Variants in PTPRS observed in about 807,000 individuals in gnomAD.
The protein encoded by PTPRS is protein tyrosine phosphatase receptor type S.
Under a neutral mutation model 215.3 loss-of-function variants are expected in PTPRS, and 63 were observed. The ratio of observed to expected loss-of-function variants is 0.29; its 90% CI spans 0.24 to 0.36. The LOEUF (loss-of-function observed/expected upper bound fraction) is 0.36. Among genes scored for constraint, PTPRS ranks in the 10% least tolerant of loss-of-function variants. PTPRS has a pLI of 1.00. For synonymous variants in PTPRS, 1,404 were observed against 1,191.4 expected, an observed-to-expected ratio of 1.18 and a Z score of -3.68; for missense variants, 2,258 against 2,825.8, an observed-to-expected ratio of 0.80 and a Z score of 4.56.
At chr19:5,311,870 C>A (rs1016657399) in intron 1 of PTPRS, among the ~76,000 whole-genome samples, 1 of 152,008 alleles carries the variant, frequency 6.6e-6, no homozygotes, top group East Asian at 1.9e-4. Context: ...GAAACCCCGT[C>A]TCTACTAAAA....
At chr19:5,223,683 C>G (rs2042220366) in intron 17 of PTPRS, among the ~76,000 whole-genome samples, 1 of 151,600 alleles carries the variant, frequency 6.6e-6, no homozygotes, top group Admixed American at 6.6e-5. Context: ...CTGCCTCAGC[C>G]TCCCGAGCAG....
At chr19:5,236,815 C>T (rs1966172507) in intron 13 of PTPRS, among the ~76,000 whole-genome samples, 3 of 134,872 alleles carry the variant, frequency 2.2e-5, no homozygotes, top group African/African-American at 8.8e-5. Context: ...CAAAGGTGCC[C>T]GGGGGGTGCG....
In PTPRS at chr19:5,288,010, A is replaced by AAT. The variant is rs2048509257; in HGVS notation, c.-94-1778_-94-1777dup. 3.0e-5 allele frequency among the ~76,000 whole-genome samples: 4 copies of AAT among 133,552 alleles called. 1 individual carries two copies. The highest frequency in any genetic ancestry group is 2.2e-4 in the Admixed American group (3 of 13,344). The allele number at this position is 133,552 out of a possible 152,430, so 87.6% of individuals were successfully genotyped here. A position where few individuals can be genotyped will look rare whatever the true frequency, so the allele number is the denominator to read the frequency against. On this transcript the variant is annotated intron_variant, in intron 1 of 37. Transcript: ENST00000262963. ...CACACACACACACACACACACACAC[A>AAT]ATCAGGCAAATAAAACTTGCACATA...
At chr19:5,314,807 C>G (rs1173211455) in intron 1 of PTPRS, among the ~76,000 whole-genome samples, 1 of 152,180 alleles carries the variant, frequency 6.6e-6, no homozygotes, top group Non-Finnish European at 1.5e-5. Context: ...CAGGTTATCC[C>G]TGCTCAACAG....
intron 1 of PTPRS, among the ~76,000 whole-genome samples, chr19:5,317,812 G>A (rs1337877010): frequency 1.3e-5 from 2 of 152,090 alleles, no homozygotes; most frequent in African/African-American, 4.8e-5. Flanking sequence ...GAGACAGGTG[G>A]ATCACCTGCA....
intron 1 of PTPRS, among the ~76,000 whole-genome samples, chr19:5,320,794 T>C (rs1429090696): frequency 6.6e-6 from 1 of 152,154 alleles, no homozygotes; most frequent in Non-Finnish European, 1.5e-5. Context: ...CTTCACCCTA[T>C]GAACTCACTA....
Position 5,218,614 on chromosome 19 carries a change from T to C in PTPRS, c.3936-82A>G, listed in dbSNP as rs138275235. 87 of 1,537,880 alleles carry C rather than the reference T, an allele frequency of 5.7e-5. No homozygotes were observed. In the African/African-American group the frequency reaches 9.5e-4, roughly 17 times the overall value. On this transcript the variant is annotated intron_variant, in intron 24 of 37. Transcript: ENST00000262963. ...ACACAATTCAGGCCCCAGGAATGCATGGTAAGAAAAGGACCATGGACCCGT... is the reference window on the plus strand; with the variant it reads ...ACACAATTCAGGCCCCAGGAATGCACGGTAAGAAAAGGACCATGGACCCGT...
intron 26 of PTPRS, among the ~76,000 whole-genome samples, 156 bp from the exon 27 acceptor site, chr19:5,215,751 G>T (rs1431739087): frequency 6.6e-6 from 1 of 152,164 alleles, no homozygotes; most frequent in Non-Finnish European, 1.5e-5. Context: ...AAGACTCAGG[G>T]TGGCTCATGA....
chr19:5,238,027 G>C (rs1599600210), intron 13 of PTPRS, among the ~76,000 whole-genome samples: 1 of 152,156 alleles, frequency 6.6e-6, no homozygotes, highest in Non-Finnish European at 1.5e-5. Context: ...GAAAGCCTGG[G>C]GTGGCTACGC....
At chr19:5,262,606 G>T (rs943653810) in intron 6 of PTPRS, among the ~76,000 whole-genome samples, 26 of 152,246 alleles carry the variant, frequency 1.7e-4, no homozygotes, top group Admixed American at 1.4e-3. Context: ...AGAAAAAAGT[G>T]CGGGAGGAAA....
At chr19:5,292,413 G>C (rs1461819177) in intron 1 of PTPRS, among the ~76,000 whole-genome samples, 2 of 152,178 alleles carry the variant, frequency 1.3e-5, no homozygotes. Context: ...GGCCAGCCTG[G>C]GTTCTGCAGG....
chr19:5,214,523 C>T, intron 29 of PTPRS, 38 bp downstream of exon 29: 1 of 1,612,238 alleles, frequency 6.2e-7, no homozygotes, highest in South Asian at 1.1e-5. Flanking sequence ...GACAGGCTGA[C>T]TGGCAGGGGC....
At chr19:5,325,730 C>T (rs2050150959) in intron 1 of PTPRS, among the ~76,000 whole-genome samples, 1 of 152,232 alleles carries the variant, frequency 6.6e-6, no homozygotes, top group African/African-American at 2.4e-5. Flanking sequence ...CCGAGGACAC[C>T]GGCCAATTCA....
At chr19:5,233,564 T>C (rs1411346995) in intron 13 of PTPRS, among the ~76,000 whole-genome samples, 2 of 151,408 alleles carry the variant, frequency 1.3e-5, no homozygotes, top group Non-Finnish European at 1.5e-5. Flanking sequence ...CCACGCATCA[T>C]GCTAAGGGGA....
Position 5,210,314 on chromosome 19 carries a change from C to T in PTPRS, c.5487+155G>A, listed in dbSNP as rs1007616555. 6.6e-5 allele frequency among the ~76,000 whole-genome samples: 10 copies of T among 152,228 alleles called. No homozygotes were observed. Among genetic ancestry groups the T allele is most frequent in the Non-Finnish European group, 1.2e-4 (8 of 68,040 alleles). ...AAGACCCTCTCTTCCACCTATGTGG[C>T]AGTAGAAGCAAGTGGCCAACTGGTC... On this transcript the variant is annotated intron_variant, in intron 35 of 37. Coordinates refer to ENST00000262963, the MANE Select transcript of PTPRS (RefSeq NM_002850.4). This position sits in a 1 kb window ranked among gnomAD's most constrained non-coding sequence, Gnocchi z 4.5.
chr19:5,320,019 G>A (rs1012012700), intron 1 of PTPRS, among the ~76,000 whole-genome samples: 8 of 152,178 alleles, frequency 5.3e-5, no homozygotes, highest in Non-Finnish European at 7.4e-5. Context: ...AGAGCCTGGT[G>A]GACAGGAGGC....
At position 5,222,947 on chromosome 19, in the gene PTPRS, G is replaced by A. The variant is rs781437725; in HGVS notation, c.2845C>T (p.Arg949Cys). 1.7e-4 allele frequency: 261 copies of A among 1,551,318 alleles called. No individual in the cohort carries two copies. Among genetic ancestry groups the A allele is most frequent in the Admixed American group, 2.7e-4 (14 of 52,676 alleles). The change falls in exon 18 of 38, where the codon CGC becomes TGC. Residue 949 changes from arginine to cysteine, a missense_variant. Physicochemically the swap from Arg to Cys is radical, Grantham distance 180 (BLOSUM62 -3). Coordinates refer to ENST00000262963, the MANE Select transcript of PTPRS (RefSeq NM_002850.4). ...GNASAGTVLL[R>C]WLPPVPAERN... is the part of the protein sequence containing the mutation. ...TCGGCGGGCACGGGTGGCAGCCAGC[G>A]GAGAAGGACGGTCCCGGCCGAGGCG... is the stretch of plus-strand genomic sequence containing the variant.
intron 22 of PTPRS, 35 bp downstream of exon 22, chr19:5,219,904 T>C: frequency 6.3e-7 from 1 of 1,597,396 alleles, no homozygotes. Flanking sequence ...TTCAGAGGTG[T>C]GTCTGGATGT....
intron 30 of PTPRS, among the ~76,000 whole-genome samples, chr19:5,212,805 T>A (rs2041035847): frequency 6.6e-6 from 1 of 151,422 alleles, no homozygotes; most frequent in Non-Finnish European, 1.5e-5. Context: ...ATGGCGCCAC[T>A]GTACTCCAGC....
Sources: gnomAD v4.1 joint callset for allele counts (sites outside exome capture counted in the v4.1 genomes callset) on GRCh38, gnomAD v4.1.1 for gene constraint, Gnocchi (gnomAD v3.1) non-coding constraint, MANE v1.5 for transcripts, NCBI Gene and HGNC (gene_info 2026-07-23, HGNC 2026-07-21) for gene names.